SHISA9: variants seen among roughly 807,000 people sequenced by gnomAD.
The protein encoded by SHISA9 is shisa family member 9, also known as protein shisa-9.
Under a neutral mutation model 38.0 loss-of-function variants are expected in SHISA9, and 13 were observed. That is an observed-to-expected ratio of 0.34 (90% confidence interval 0.22 to 0.54). The LOEUF (loss-of-function observed/expected upper bound fraction) is 0.54, where lower values mean the gene tolerates loss of function less well. Among genes scored for constraint, SHISA9 ranks in the 20% least tolerant of loss-of-function variants. The pLI, the probability that SHISA9 is intolerant of heterozygous loss-of-function variation, is 0.91. For synonymous variants in SHISA9, 275 were observed against 242.0 expected, an observed-to-expected ratio of 1.14 and a Z score of -1.27; for missense variants, 538 against 575.8, an observed-to-expected ratio of 0.93 and a Z score of 0.67.
In SHISA9 at chr16:13,019,878, CCCTCCCTTCTTTCTTTCTTTCTTT is replaced by C. The variant is rs1300071067; in HGVS notation, c.691+103065_691+103088del. ...TCCCTCCCTCCCTCCCTCCCTCCCT[CCCTCCCTTCTTTCTTTCTTTCTTT>C]CTTTCTTTCTTTCTTTCTTTCTTTC... is the stretch of plus-strand genomic sequence containing the variant. On this transcript the variant is annotated intron_variant, in intron 2 of 4. Coordinates refer to ENST00000558583, the MANE Select transcript of SHISA9 (RefSeq NM_001145204.3). Among the ~76,000 whole-genome samples the C allele has an allele frequency of 6.7e-3, 213 of 31,984 alleles. 9 individuals are homozygous for C. Among genetic ancestry groups the C allele is most frequent in the Non-Finnish European group, 6.6e-3 (114 of 17,248 alleles). 21.0% of individuals were successfully genotyped at this position (31,984 alleles called of 152,430 possible). A position where few individuals can be genotyped will look rare whatever the true frequency, so the allele number is the denominator to read the frequency against.
intron 2 of SHISA9, among the ~76,000 whole-genome samples, chr16:13,038,677 A>G (rs997262381): frequency 2.0e-5 from 3 of 152,194 alleles, no homozygotes; most frequent in East Asian, 1.9e-4. Flanking sequence ...ATCACCCTGT[A>G]TGTTTCTTTA....
At chr16:13,412,982 G>GGAATGAAT in the SHISA9 span, among the ~76,000 whole-genome samples, 2 of 151,528 alleles carry the variant, frequency 1.3e-5, no homozygotes, top group Admixed American at 6.6e-5. Context: ...AATAAATAAA[G>GGAATGAAT]GAATGAATGA....
At position 13,123,667 on chromosome 16, in the gene SHISA9, G is replaced by C. The variant is rs140803186; in HGVS notation, c.692-79727G>C. 2.4e-3 allele frequency among the ~76,000 whole-genome samples: 360 copies of C among 152,346 alleles called. 1 individual carries two copies. Among genetic ancestry groups the C allele is most frequent in the African/African-American group, 8.3e-3 (346 of 41,596 alleles). On this transcript the variant is annotated intron_variant, in intron 2 of 4. Coordinates refer to ENST00000558583, the MANE Select transcript of SHISA9 (RefSeq NM_001145204.3). ...ATAGGTAAAGGCTTCATTTGAGATAGTGAACTTATAATTCTTGAACTACCT... is the reference window on the plus strand; with the variant it reads ...ATAGGTAAAGGCTTCATTTGAGATACTGAACTTATAATTCTTGAACTACCT...
chr16:13,352,363 C>T, the SHISA9 span, among the ~76,000 whole-genome samples: 1 of 152,132 alleles, frequency 6.6e-6, no homozygotes, highest in Non-Finnish European at 1.5e-5. Flanking sequence ...GTTTCAAATG[C>T]AGCTGCAGTA....
chr16:13,523,951 C>G, the SHISA9 span, among the ~76,000 whole-genome samples: 1 of 152,116 alleles, frequency 6.6e-6, no homozygotes, highest in Non-Finnish European at 1.5e-5. Context: ...GAAAGTACTA[C>G]TATTATTATC....
intron 2 of SHISA9, among the ~76,000 whole-genome samples, chr16:12,956,760 T>C (rs2071840839): frequency 6.6e-6 from 1 of 152,130 alleles, no homozygotes; most frequent in Admixed American, 6.5e-5. Flanking sequence ...TTTGAAAAAT[T>C]ACCTATTGGG....
chr16:12,996,510 T>C lies in SHISA9; in HGVS notation c.691+79695T>C, dbSNP rs542411901. ...CAGCTTGACTTGCTGACTTGCCCAC[T>C]TTACCAGCATGGCCCCCAGGGTGAC... On this transcript the variant is annotated intron_variant, in intron 2 of 4. Transcript: ENST00000558583. Among the ~76,000 whole-genome samples, 5 of 152,280 alleles carry C rather than the reference T, an allele frequency of 3.3e-5. No homozygotes were observed. The South Asian group carries it at 1.0e-3, about 32-fold the overall frequency.
At chr16:13,231,751 G>A (rs1041771476) in intron 4 of SHISA9, among the ~76,000 whole-genome samples, 2 of 152,186 alleles carry the variant, frequency 1.3e-5, no homozygotes, top group African/African-American at 2.4e-5. Flanking sequence ...AAAGAGTGCG[G>A]TGATCAATGA....
chr16:13,501,928 G>A, the SHISA9 span, among the ~76,000 whole-genome samples: 3 of 151,896 alleles, frequency 2.0e-5, no homozygotes, highest in South Asian at 4.2e-4. Flanking sequence ...CTTGAACCCA[G>A]GAGGTGGAGG....
the SHISA9 span, among the ~76,000 whole-genome samples, chr16:13,413,887 A>C: frequency 6.6e-6 from 1 of 152,160 alleles, no homozygotes; most frequent in East Asian, 1.9e-4. Context: ...ACTAAGGAAA[A>C]GAAGTAATGA....
At chr16:13,024,925 TG>T (rs2072902295) in intron 2 of SHISA9, among the ~76,000 whole-genome samples, 2 of 152,184 alleles carry the variant, frequency 1.3e-5, no homozygotes, top group Non-Finnish European at 2.9e-5. Context: ...ATCTGTCAAA[TG>T]CAAGTGTGAA....
chr16:13,539,634 T>C, the SHISA9 span, among the ~76,000 whole-genome samples: 1 of 152,166 alleles, frequency 6.6e-6, no homozygotes, highest in East Asian at 1.9e-4. Context: ...AGAGGGTACA[T>C]GTGCAATCTA....
the SHISA9 span, among the ~76,000 whole-genome samples, chr16:13,515,073 A>G: frequency 1.3e-5 from 2 of 152,200 alleles, no homozygotes; most frequent in Admixed American, 6.6e-5. Context: ...AAGTCTGTCA[A>G]CCTAGAATTC....
chr16:13,484,380 A>G, the SHISA9 span, among the ~76,000 whole-genome samples: 1 of 152,156 alleles, frequency 6.6e-6, no homozygotes, highest in South Asian at 2.1e-4. Context: ...CAATGGGCAT[A>G]AGAGCTCAAT....
At chr16:13,543,071 T>C in the SHISA9 span, among the ~76,000 whole-genome samples, 2 of 152,210 alleles carry the variant, frequency 1.3e-5, no homozygotes, top group Non-Finnish European at 2.9e-5. Context: ...TCCACAAATA[T>C]TTTTTGAGCA....
the SHISA9 span, among the ~76,000 whole-genome samples, chr16:13,423,926 T>A: frequency 6.6e-6 from 1 of 152,208 alleles, no homozygotes; most frequent in Non-Finnish European, 1.5e-5. Flanking sequence ...ACGCATTGAG[T>A]TCTCTTCATT....
At chr16:13,465,646 C>T in the SHISA9 span, among the ~76,000 whole-genome samples, 1 of 152,216 alleles carries the variant, frequency 6.6e-6, no homozygotes, top group Non-Finnish European at 1.5e-5. Context: ...CAAATCTCCA[C>T]AGAGCCTCAG....
the SHISA9 span, among the ~76,000 whole-genome samples, chr16:13,502,867 A>G: frequency 6.6e-6 from 1 of 152,164 alleles, no homozygotes; most frequent in African/African-American, 2.4e-5. Flanking sequence ...ACAGAGTGAG[A>G]CCTGTCTCGA....
the SHISA9 span, among the ~76,000 whole-genome samples, chr16:13,289,769 C>A: frequency 6.6e-6 from 1 of 152,066 alleles, no homozygotes; most frequent in Non-Finnish European, 1.5e-5. Context: ...AATCTGCAAG[C>A]CCCAAACTCT....
Sources: gnomAD v4.1 joint callset for allele counts (sites outside exome capture counted in the v4.1 genomes callset) on GRCh38, gnomAD v4.1.1 for gene constraint, MANE v1.5 for transcripts, NCBI Gene and HGNC (gene_info 2026-07-23, HGNC 2026-07-21) for gene names.